VEGFC: variants seen among roughly 807,000 people sequenced by gnomAD.
The protein encoded by VEGFC is vascular endothelial growth factor C.
Under a neutral mutation model 46.1 loss-of-function variants are expected in VEGFC, and 12 were observed. That is an observed-to-expected ratio of 0.26 (90% confidence interval 0.17 to 0.42). VEGFC has a LOEUF of 0.42. VEGFC is among the 10% of genes least tolerant of loss of function. VEGFC has a pLI of 1.00. For synonymous variants in VEGFC, 232 were observed against 195.5 expected (o/e 1.19, Z -1.56); for missense variants, 488 against 529.4 (o/e 0.92, Z 0.77).
At chr4:176,692,380 C>A (rs1167994450) in intron 4 of VEGFC, among the ~76,000 whole-genome samples, 5 of 133,084 alleles carry the variant, frequency 3.8e-5, no homozygotes, top group Admixed American at 2.2e-4. Context: ...GGCGACAGAG[C>A]GAGACTCCGT....
chr4:176,732,266 TGGC>T (rs1734980608), intron 1 of VEGFC, among the ~76,000 whole-genome samples: 2 of 152,104 alleles, frequency 1.3e-5, no homozygotes, highest in African/African-American at 4.8e-5. Context: ...TATTGTATGA[TGGC>T]AAAAGTGAAA....
intron 1 of VEGFC, among the ~76,000 whole-genome samples, chr4:176,776,043 A>C (rs4690361): frequency 0.72 from 109,569 of 152,142 alleles, 44,828 homozygotes; most frequent in East Asian, 0.99. Flanking sequence ...AAAGAATGTT[A>C]GGTTATAAAC....
rs1202208815 is a variant in VEGFC at position 176,764,403 on chromosome 4, G to T, written c.147+27762C>A. Reference sequence around the variant, plus strand: ...GAGGGGCTAAGATCACGGACAGAGGGTACACAAAACAAGAGAGAAATGAGG... The same window carrying T: ...GAGGGGCTAAGATCACGGACAGAGGTTACACAAAACAAGAGAGAAATGAGG... On this transcript the variant is annotated intron_variant, in intron 1 of 6. Transcript: ENST00000618562. Among the ~76,000 whole-genome samples, 5 of 152,112 alleles carry T rather than the reference G, an allele frequency of 3.3e-5. No individual in the cohort carries two copies. In the South Asian group the frequency reaches 8.3e-4, roughly 25 times the overall value.
rs1389118679 is a variant in VEGFC at position 176,792,180 on chromosome 4, G to T, written c.132C>A (p.Asp44Glu). The change falls in exon 1 of 7, where the codon GAC becomes GAA. Residue 44 changes from aspartate to glutamate, a missense_variant. Physicochemically the swap from Asp to Glu is conservative, Grantham distance 45. Transcript: ENST00000618562. This position sits in a 1 kb window ranked among gnomAD's most constrained non-coding sequence, Gnocchi z 6.3. ...SGLDLSDAEP[D>E]AGEATAYASK... ...GCAGACCTACCGTGGCCTCGCCCGCGTCGGGCTCCGCGTCCGAGAGGTCGA... is the reference window on the plus strand; with the variant it reads ...GCAGACCTACCGTGGCCTCGCCCGCTTCGGGCTCCGCGTCCGAGAGGTCGA... 6.6e-7 allele frequency: 1 copy of T among 1,519,612 alleles called. No homozygotes were observed. The highest frequency in any genetic ancestry group is 2.2e-5 in the Admixed American group (1 of 44,992). 94.1% of individuals were successfully genotyped at this position (1,519,612 alleles called of 1,614,324 possible).
At chr4:176,726,014 C>T (rs186332323) in intron 3 of VEGFC, among the ~76,000 whole-genome samples, 1 of 151,978 alleles carries the variant, frequency 6.6e-6, no homozygotes, top group Non-Finnish European at 1.5e-5. Flanking sequence ...ACCAATAAAA[C>T]CTGTTAAAGT....
intron 1 of VEGFC, among the ~76,000 whole-genome samples, chr4:176,755,106 G>A (rs996170191): frequency 6.6e-6 from 1 of 151,850 alleles, no homozygotes; most frequent in African/African-American, 2.4e-5. Context: ...GTTCCAATTC[G>A]TATAGATGTA....
intron 1 of VEGFC, among the ~76,000 whole-genome samples, chr4:176,761,136 G>A (rs1184354645): frequency 1.5e-4 from 23 of 152,120 alleles, no homozygotes; most frequent in Admixed American, 1.5e-3. Context: ...ATACAAAATT[G>A]TCCTAAAATT....
intron 1 of VEGFC, among the ~76,000 whole-genome samples, chr4:176,769,534 C>T (rs1735688353): frequency 6.6e-6 from 1 of 152,116 alleles, no homozygotes; most frequent in South Asian, 2.1e-4. Flanking sequence ...GCAGATATTA[C>T]ATTAATAAAT....
At chr4:176,763,586 T>C (rs1421780027) in intron 1 of VEGFC, among the ~76,000 whole-genome samples, 1 of 152,204 alleles carries the variant, frequency 6.6e-6, no homozygotes, top group Non-Finnish European at 1.5e-5. Flanking sequence ...CATTTATTGT[T>C]ATAGATCTTA....
chr4:176,687,868 C>G lies in VEGFC; in HGVS notation c.764G>C (p.Arg255Thr). Residue 255 changes from arginine (R) to threonine (T), a missense_variant, in exon 5 of 7, where the codon AGA (arginine) becomes ACA (threonine). Physicochemically the swap from Arg to Thr is moderately conservative, Grantham distance 71 (BLOSUM62 -1). Coordinates refer to ENST00000618562, the MANE Select transcript of VEGFC (RefSeq NM_005429.5). The part of the protein sequence containing the change: ...TNYMWNNHIC[R>T]CLAQEDFMFS... ...CATAAAATCTTCCTGAGCCAGGCAT[C>G]TGCAGATGTGATTATTCCACATGTA... 2 of 1,613,790 alleles carry G rather than the reference C, an allele frequency of 1.2e-6. No homozygotes were observed. The highest frequency in any genetic ancestry group is 1.7e-6 in the Non-Finnish European group (2 of 1,179,866).
intron 4 of VEGFC, among the ~76,000 whole-genome samples, chr4:176,698,052 T>C (rs1020146853): frequency 2.6e-5 from 4 of 151,946 alleles, no homozygotes; most frequent in African/African-American, 9.7e-5. Flanking sequence ...AGTTAGTGGG[T>C]GCAGCACACC....
chr4:176,777,820 G>A (rs375553513), intron 1 of VEGFC, among the ~76,000 whole-genome samples: 12 of 150,630 alleles, frequency 8.0e-5, no homozygotes, highest in African/African-American at 2.7e-4. Context: ...TCGGGAGGCT[G>A]GGGCAGGAGA....
intron 4 of VEGFC, among the ~76,000 whole-genome samples, chr4:176,692,858 C>A (rs1384834257): frequency 1.4e-5 from 2 of 146,412 alleles, no homozygotes; most frequent in African/African-American, 5.3e-5. Flanking sequence ...CACCCCCCAG[C>A]AGGGGCACAC....
chr4:176,717,762 C>T (rs982903574), intron 3 of VEGFC, among the ~76,000 whole-genome samples: 2 of 151,812 alleles, frequency 1.3e-5, no homozygotes, highest in Non-Finnish European at 1.5e-5. Context: ...ATATGTACCC[C>T]CAGAAGAATA....
At chr4:176,719,779 T>G (rs1306473009) in intron 3 of VEGFC, among the ~76,000 whole-genome samples, 1 of 152,104 alleles carries the variant, frequency 6.6e-6, no homozygotes, top group Non-Finnish European at 1.5e-5. Context: ...TAAAACTATC[T>G]GCCGGGTGCG....
intron 4 of VEGFC, among the ~76,000 whole-genome samples, chr4:176,692,554 A>C (rs12508448): frequency 7.7e-6 from 1 of 130,024 alleles, no homozygotes; most frequent in Non-Finnish European, 1.5e-5. Flanking sequence ...TGGGGGAGGG[A>C]CGCCCGCCAT....
chr4:176,730,503 T>C (rs1366418965), intron 1 of VEGFC, among the ~76,000 whole-genome samples: 1 of 152,170 alleles, frequency 6.6e-6, no homozygotes, highest in East Asian at 1.9e-4. Flanking sequence ...AGGAAACTTG[T>C]ATAGCTTTAT....
intron 4 of VEGFC, among the ~76,000 whole-genome samples, chr4:176,700,951 G>C (rs1734421095): frequency 6.6e-6 from 1 of 152,194 alleles, no homozygotes; most frequent in African/African-American, 2.4e-5. Context: ...GAATACAGGG[G>C]AGGAGAAATG....
chr4:176,738,173 G>A (rs1286269666), intron 1 of VEGFC, among the ~76,000 whole-genome samples: 1 of 151,886 alleles, frequency 6.6e-6, no homozygotes, highest in African/African-American at 2.4e-5. Context: ...AACTACCATT[G>A]GTATTCTTCA....
Sources: gnomAD v4.1 joint callset for allele counts (sites outside exome capture counted in the v4.1 genomes callset) on GRCh38, gnomAD v4.1.1 for gene constraint, Gnocchi (gnomAD v3.1) non-coding constraint, MANE v1.5 for transcripts, NCBI Gene and HGNC (gene_info 2026-07-23, HGNC 2026-07-21) for gene names.